DSG2: variants seen among roughly 807,000 people sequenced by gnomAD.
DSG2 encodes desmoglein 2, also known as desmoglein-2.
Under a neutral mutation model 75.6 loss-of-function variants are expected in DSG2, and 45 were observed. The observed-to-expected ratio is 0.60, with a 90% CI of 0.47 to 0.76. The LOEUF is 0.76. Among genes scored for constraint, DSG2 ranks in the 30% least tolerant of loss-of-function variants. The pLI, the probability that DSG2 is intolerant of heterozygous loss-of-function variation, is 0.00. For missense variants in DSG2, 1,267 were observed against 1,357.4 expected (o/e 0.93, Z 1.05); for synonymous variants, 429 against 483.9 (o/e 0.89, Z 1.49).
chr18:31,511,765 A>ACATAT (rs919235853), intron 1 of DSG2, among the ~76,000 whole-genome samples: 1 of 152,194 alleles, frequency 6.6e-6, no homozygotes, highest in African/African-American at 2.4e-5. Context: ...AGAAAAGTGC[A>ACATAT]CATATCACGA....
At chr18:31,521,385 C>A in intron 5 of DSG2, 142 bp downstream of exon 5, 1 of 905,888 alleles carries the variant, frequency 1.1e-6, no homozygotes, top group Non-Finnish European at 1.7e-6. Context: ...TTCAGAACTG[C>A]TTTCCTTATA....
In DSG2 at chr18:31,545,913, C is replaced by CA; in HGVS notation, c.2533dup (p.Ile845AsnfsTer5). On this transcript the variant is annotated frameshift_variant, in exon 15 of 15. Transcript: ENST00000261590. LOFTEE classifies it low-confidence loss of function (END_TRUNC). Reference sequence around the variant, plus strand: ...GACACTAGCTGAAGTTTGCCTGGGTCAAAAAATAGATATAAATAAGGAAAT... The same window carrying CA: ...GACACTAGCTGAAGTTTGCCTGGGTCAAAAAAATAGATATAAATAAGGAAAT... 2.5e-6 allele frequency: 4 copies of CA among 1,613,868 alleles called. No individual in the cohort carries two copies. Among genetic ancestry groups the CA allele is most frequent in the Non-Finnish European group, 3.4e-6 (4 of 1,179,974 alleles).
At position 31,546,886 on chromosome 18, in the gene DSG2, T is replaced by G. The variant is rs997183562; in HGVS notation, c.*143T>G. 3 of 836,998 alleles carry G rather than the reference T, an allele frequency of 3.6e-6. No individual in the cohort carries two copies. Among genetic ancestry groups the G allele is most frequent in the Non-Finnish European group, 6.1e-6 (3 of 495,614 alleles). 51.8% of individuals were successfully genotyped at this position (836,998 alleles called of 1,614,324 possible). ...TTAAAATTTTTCTCAGTCACTGATATGCAAAGGACCACACTGTCTCTGCTT... is the reference window on the plus strand; with the variant it reads ...TTAAAATTTTTCTCAGTCACTGATAGGCAAAGGACCACACTGTCTCTGCTT... On this transcript the variant is annotated 3_prime_UTR_variant, in exon 15 of 15. Transcript: ENST00000261590.
chr18:31,542,705 T>A lies in DSG2; in HGVS notation c.2187T>A (p.Ala729=). The change falls in exon 14 of 15, where the codon GCT becomes GCA. Residue 729 remains alanine, a synonymous_variant. Coordinates refer to ENST00000261590, the MANE Select transcript of DSG2 (RefSeq NM_001943.5). ...EEHRSLLSGR[A]TQFTGATGAI... Reference sequence around the variant, plus strand: ...ACAGAAGCCTGCTTTCTGGTAGAGCTACCCAGTTTACAGGGGCCACAGGCG... The same window carrying A: ...ACAGAAGCCTGCTTTCTGGTAGAGCAACCCAGTTTACAGGGGCCACAGGCG... 1 of 1,614,150 alleles carries A rather than the reference T, an allele frequency of 6.2e-7. No homozygotes were observed.
In DSG2 at chr18:31,546,726, C is replaced by G. The variant is rs776078563; in HGVS notation, c.3340C>G (p.Gln1114Glu). 7 of 1,614,032 alleles carry G rather than the reference C, an allele frequency of 4.3e-6. No individual in the cohort carries two copies. Among genetic ancestry groups the G allele is most frequent in the African/African-American group, 2.7e-5 (2 of 74,906 alleles). Residue 1114 changes from glutamine to glutamate, a missense_variant, in exon 15 of 15, where the codon CAG (glutamine) becomes GAG (glutamate). By Grantham distance (29) the Gln-to-Glu change is conservative. Coordinates refer to ENST00000261590, the MANE Select transcript of DSG2 (RefSeq NM_001943.5). The part of the protein sequence containing the change: ...STRVTKHSTV[Q>E]HSYS ...CAGAGTTACCAAGCATAGCACTGTACAGCATTCTTACTCCTAAACAGCAGT... is the reference window on the plus strand; with the variant it reads ...CAGAGTTACCAAGCATAGCACTGTAGAGCATTCTTACTCCTAAACAGCAGT...
intron 9 of DSG2, 63 bp downstream of exon 9, chr18:31,531,315 A>G: frequency 6.4e-7 from 1 of 1,569,148 alleles, no homozygotes; most frequent in Admixed American, 1.7e-5. Flanking sequence ...ATTTTCAAAA[A>G]TCATAATCAA....
Position 31,547,298 on chromosome 18 carries a change from C to T in DSG2, c.*555C>T. 1 of 205,450 alleles carries T rather than the reference C, an allele frequency of 4.9e-6. No individual in the cohort carries two copies. Among genetic ancestry groups the T allele is most frequent in the Non-Finnish European group, 9.9e-6 (1 of 101,106 alleles). 12.7% of individuals were successfully genotyped at this position (205,450 alleles called of 1,614,324 possible). ...ATCTGTGTGATTCATTAAATTGGAC[C>T]ATTGATGATAAGAATACACATTGTA... On this transcript the variant is annotated 3_prime_UTR_variant, in exon 15 of 15. Transcript: ENST00000261590.
chr18:31,542,953 CT>C, intron 14 of DSG2, 101 bp downstream of exon 14: 10 of 917,858 alleles, frequency 1.1e-5, no homozygotes, highest in Non-Finnish European at 1.5e-5. Flanking sequence ...CCAAATGAGA[CT>C]TTGGGTTTTT....
In DSG2 at chr18:31,546,655, T is replaced by A; in HGVS notation, c.3269T>A (p.Leu1090Ter). Reference sequence around the variant, plus strand: ...CCTGGCCCTCTGCCAGATTTTGGTTTAGAGGAATCTGGTCATTCTAATTCT... The same window carrying A: ...CCTGGCCCTCTGCCAGATTTTGGTTAAGAGGAATCTGGTCATTCTAATTCT... ...GVPGPLPDFG[L>*]EESGHSNSTI... Residue 1090 changes from leucine (L) to a stop codon, truncating the protein, a stop_gained, in exon 15 of 15, where the codon TTA becomes TAA. Transcript: ENST00000261590. LOFTEE classifies it low-confidence loss of function (END_TRUNC). The A allele has an allele frequency of 6.2e-7, 1 of 1,614,216 alleles. No homozygotes were observed.
At chr18:31,529,160 A>G (rs2073179744) in intron 8 of DSG2, among the ~76,000 whole-genome samples, 1 of 152,236 alleles carries the variant, frequency 6.6e-6, no homozygotes, top group Non-Finnish European at 1.5e-5. Context: ...ATTAAAAAAT[A>G]GCAAAAATGG....
chr18:31,542,796 G>A lies in DSG2; in HGVS notation c.2278G>A (p.Ala760Thr). Residue 760 changes from alanine (A) to threonine (T), a missense_variant, in exon 14 of 15, where the codon GCT (alanine) becomes ACT (threonine). Coordinates refer to ENST00000261590, the MANE Select transcript of DSG2 (RefSeq NM_001943.5). ...AGGGGCTTCCAGAGACATGGCCGGA[G>A]CTCAGGCAGCTGCTGTTGCACTGAA... ...ATGASRDMAG[A>T]QAAAVALNEE... is the part of the protein sequence containing the mutation. 1.2e-6 allele frequency: 2 copies of A among 1,602,798 alleles called. No homozygotes were observed. The highest frequency in any genetic ancestry group is 2.2e-5 in the South Asian group (2 of 89,998).
At chr18:31,499,189 C>G (rs1490855480) in intron 1 of DSG2, among the ~76,000 whole-genome samples, 6 of 152,138 alleles carry the variant, frequency 3.9e-5, no homozygotes, top group Non-Finnish European at 7.3e-5. Flanking sequence ...TGTGAGTTCA[C>G]CTTCCAGAGA....
intron 1 of DSG2, among the ~76,000 whole-genome samples, chr18:31,502,643 C>T (rs2073019500): frequency 6.6e-6 from 1 of 152,064 alleles, no homozygotes; most frequent in Non-Finnish European, 1.5e-5. Flanking sequence ...CCCAGCTACT[C>T]AGGAGGCTGA....
At chr18:31,542,274 A>C (rs1349287662) in intron 13 of DSG2, 6 of 567,406 alleles carry the variant, frequency 1.1e-5, no homozygotes, top group Non-Finnish European at 1.9e-5. Flanking sequence ...CATAGAGTAA[A>C]GGAGCTGAGA....
chr18:31,531,918 C>T lies in DSG2; in HGVS notation c.1280+666C>T, dbSNP rs78270410. ...AAATTTACATCTTAGATCTCAGTGCCGTGCCACGGAAAGACCATTCTCTAC... is the reference window on the plus strand; with the variant it reads ...AAATTTACATCTTAGATCTCAGTGCTGTGCCACGGAAAGACCATTCTCTAC... On this transcript the variant is annotated intron_variant, in intron 9 of 14. Coordinates refer to ENST00000261590, the MANE Select transcript of DSG2 (RefSeq NM_001943.5). 9.8e-3 allele frequency among the ~76,000 whole-genome samples: 1,486 copies of T among 152,264 alleles called. 18 individuals carry two copies. Among genetic ancestry groups the T allele is most frequent in the African/African-American group, 0.034 (1,427 of 41,554 alleles).
At chr18:31,526,841 T>G (rs550243581) in intron 8 of DSG2, among the ~76,000 whole-genome samples, 2 of 152,350 alleles carry the variant, frequency 1.3e-5, no homozygotes, top group Non-Finnish European at 2.9e-5. Flanking sequence ...CACAGTGTGT[T>G]TGTGTCTTAA....
rs745369295 is a variant in DSG2 at position 31,542,880 on chromosome 18, T to TG, written c.2334+34dup. The TG allele has an allele frequency of 1.5e-5, 5 of 327,604 alleles. No individual in the cohort carries two copies. In the South Asian group the frequency reaches 2.3e-4, roughly 15 times the overall value. 20.3% of individuals were successfully genotyped at this position (327,604 alleles called of 1,614,324 possible). On this transcript the variant is annotated intron_variant, in intron 14 of 14. Coordinates refer to ENST00000261590, the MANE Select transcript of DSG2 (RefSeq NM_001943.5). ...AAGGATGAGTTTTATGTATTGGTGGTGGGGGGTGGGGGGAACATTTGTATG... is the reference window on the plus strand; with the variant it reads ...AAGGATGAGTTTTATGTATTGGTGGTGGGGGGGTGGGGGGAACATTTGTATG...
At chr18:31,517,064 A>G (rs1056677740) in intron 1 of DSG2, among the ~76,000 whole-genome samples, 3 of 152,242 alleles carry the variant, frequency 2.0e-5, no homozygotes, top group African/African-American at 7.2e-5. Flanking sequence ...AGAAGAAGGA[A>G]GCCAGCAGGG....
chr18:31,502,531 C>T (rs532900178), intron 1 of DSG2, among the ~76,000 whole-genome samples: 2 of 152,194 alleles, frequency 1.3e-5, no homozygotes, highest in Non-Finnish European at 2.9e-5. Flanking sequence ...GGGCGGATCA[C>T]CTGAGGTCAG....
Sources: allele counts gnomAD v4.1 joint callset (sites outside exome capture counted in the v4.1 genomes callset), GRCh38; gene constraint gnomAD v4.1.1; transcripts MANE v1.5; gene names NCBI Gene and HGNC (gene_info 2026-07-23, HGNC 2026-07-21).